Variants in INSR observed in about 807,000 individuals in gnomAD.
The protein encoded by INSR is insulin receptor, also known as IR.
A neutral mutation model predicts 142.6 loss-of-function variants in INSR; 67 were observed. The ratio of observed to expected loss-of-function variants is 0.47; its 90% confidence interval spans 0.39 to 0.58. The LOEUF is 0.58. Among genes scored for constraint, INSR ranks in the 20% least tolerant of loss-of-function variants. The pLI is 0.00. For missense variants in INSR, 1,248 were observed against 1,833.2 expected (o/e 0.68, Z 5.83); for synonymous variants, 756 against 743.1 (o/e 1.02, Z -0.28).
At chr19:7,270,239 T>C (rs1568230933) in intron 1 of INSR, among the ~76,000 whole-genome samples, 2 of 152,004 alleles carry the variant, frequency 1.3e-5, no homozygotes, top group Admixed American at 1.3e-4. Context: ...TAAACCACCA[T>C]GCCTGGCTGG....
intron 2 of INSR, among the ~76,000 whole-genome samples, chr19:7,208,077 G>A (rs1297378240): frequency 1.3e-5 from 2 of 152,050 alleles, no homozygotes; most frequent in African/African-American, 2.4e-5. Flanking sequence ...AAACCACCTC[G>A]TGTTTGGCTC....
Position 7,158,310 on chromosome 19 carries a change from C to T in INSR, c.2029+4722G>A, listed in dbSNP as rs530695358. On this transcript the variant is annotated intron_variant, in intron 9 of 21. Coordinates refer to ENST00000302850, the MANE Select transcript of INSR (RefSeq NM_000208.4). ...GGTCAGGAGATCGAGACCATCCTGG[C>T]TAACATGGTGAAACCCCGTCTCTAC... 2.6e-5 allele frequency among the ~76,000 whole-genome samples: 4 copies of T among 151,950 alleles called. 1 individual carries two copies. In the South Asian group the frequency reaches 6.2e-4, roughly 24 times the overall value.
chr19:7,280,642 G>A (rs1308616727), intron 1 of INSR, among the ~76,000 whole-genome samples: 3 of 151,958 alleles, frequency 2.0e-5, no homozygotes, highest in Non-Finnish European at 4.4e-5. Context: ...GCCTGAACCC[G>A]GGAGGCGGAG....
intron 2 of INSR, among the ~76,000 whole-genome samples, chr19:7,244,229 A>G (rs1296736821): frequency 6.6e-6 from 1 of 152,146 alleles, no homozygotes; most frequent in African/African-American, 2.4e-5. Flanking sequence ...AGAAAGGACA[A>G]TATAAAAGAT....
chr19:7,240,268 A>G (rs1449206298), intron 2 of INSR, among the ~76,000 whole-genome samples: 1 of 152,220 alleles, frequency 6.6e-6, no homozygotes, highest in Non-Finnish European at 1.5e-5. Context: ...TGTATATTTT[A>G]TTACAGCAGC....
intron 2 of INSR, among the ~76,000 whole-genome samples, chr19:7,249,433 C>A (rs1037877770): frequency 6.6e-6 from 1 of 152,146 alleles, no homozygotes; most frequent in Non-Finnish European, 1.5e-5. Flanking sequence ...TCGGTCTGTG[C>A]CCTGTTTGTC....
chr19:7,221,313 G>A (rs1392399822), intron 2 of INSR, among the ~76,000 whole-genome samples: 1 of 152,014 alleles, frequency 6.6e-6, no homozygotes, highest in East Asian at 1.9e-4. Flanking sequence ...GGCAGAGGTT[G>A]CAGTGAGCTG....
chr19:7,142,865 C>T lies in INSR; in HGVS notation c.2493G>A (p.Glu831=), dbSNP rs1160719518. 1 of 1,614,132 alleles carries T rather than the reference C, an allele frequency of 6.2e-7. No individual in the cohort carries two copies. Among genetic ancestry groups the T allele is most frequent in the Non-Finnish European group, 8.5e-7 (1 of 1,180,040 alleles). ...CGTAGGCTGCCACACTGCACCGTTCCTCAGGGGTGTCCTGGTTGCAAGCCT... is the reference window on the plus strand; with the variant it reads ...CGTAGGCTGCCACACTGCACCGTTCTTCAGGGGTGTCCTGGTTGCAAGCCT... ...ELQACNQDTP[E]ERCSVAAYVS... Residue 831 remains glutamate (E), a synonymous_variant, in exon 12 of 22, where the codon GAG becomes GAA. Transcript: ENST00000302850.
chr19:7,131,636 G>T (rs576534688), intron 14 of INSR, among the ~76,000 whole-genome samples: 1 of 148,548 alleles, frequency 6.7e-6, no homozygotes, highest in Admixed American at 6.7e-5. Flanking sequence ...GTGAGCCACC[G>T]TGCCCAGCCA....
chr19:7,166,207 C>T lies in INSR; in HGVS notation c.1808G>A (p.Arg603His), dbSNP rs753509035. 18 of 1,613,904 alleles carry T rather than the reference C, an allele frequency of 1.1e-5. No individual in the cohort carries two copies. Among genetic ancestry groups the T allele is most frequent in the Admixed American group, 3.3e-5 (2 of 59,954 alleles). Residue 603 changes from arginine to histidine, a missense_variant, in exon 8 of 22, where the codon CGC (arginine) becomes CAC (histidine). Physicochemically the swap from Arg to His is conservative, Grantham distance 29 (BLOSUM62 0). Coordinates refer to ENST00000302850, the MANE Select transcript of INSR (RefSeq NM_000208.4). This position sits in a 1 kb window ranked among gnomAD's most constrained non-coding sequence, Gnocchi z 4.1. ...GTCACTCTTGGCCCCATAGGTCCGG[C>T]GTTCATCCGAAAAGGTGACCAGGGT... ...VKTLVTFSDERRTYGAKSDII... is the reference protein window; with the variant it reads ...VKTLVTFSDEHRTYGAKSDII...
chr19:7,158,964 G>T (rs139728681), intron 9 of INSR, among the ~76,000 whole-genome samples: 3 of 151,974 alleles, frequency 2.0e-5, no homozygotes, highest in Non-Finnish European at 2.9e-5. Flanking sequence ...GTGCAATGGC[G>T]TGATCTCGGC....
intron 3 of INSR, among the ~76,000 whole-genome samples, chr19:7,180,632 G>C (rs1292441301): frequency 6.6e-6 from 1 of 151,900 alleles, no homozygotes; most frequent in Non-Finnish European, 1.5e-5. Flanking sequence ...CAGACGGGAA[G>C]GATTTGCCAA....
chr19:7,293,677 G>A (rs575874161), intron 1 of INSR, 115 bp downstream of exon 1: 3 of 878,018 alleles, frequency 3.4e-6, no homozygotes, highest in South Asian at 4.9e-5. Context: ...CCTGGCCACC[G>A]CCCCCCGCCC....
intron 1 of INSR, among the ~76,000 whole-genome samples, chr19:7,271,224 C>T (rs57295319): frequency 0.13 from 19,552 of 152,092 alleles, 1,413 homozygotes; most frequent in Middle Eastern, 0.18. Flanking sequence ...GGCCGGGCAC[C>T]GTGGCTCACA....
Position 7,150,331 on chromosome 19 carries a change from G to A in INSR, c.2267+166C>T, listed in dbSNP as rs1332994748. On this transcript the variant is annotated intron_variant, in intron 11 of 21. Transcript: ENST00000302850. This position sits in a 1 kb window ranked among gnomAD's most constrained non-coding sequence, Gnocchi z 4.2. The stretch of plus-strand genomic sequence containing the variant: ...ACATTCATGCCCAGATTTCATTTCA[G>A]AGTGAAGGCATTGGATTTCTGAATT... 1.3e-5 allele frequency among the ~76,000 whole-genome samples: 2 copies of A among 152,252 alleles called. No individual in the cohort carries two copies. Among genetic ancestry groups the A allele is most frequent in the African/African-American group, 4.8e-5 (2 of 41,468 alleles).
intron 1 of INSR, among the ~76,000 whole-genome samples, chr19:7,290,620 A>C (rs1311660140): frequency 5.3e-5 from 8 of 152,022 alleles, no homozygotes; most frequent in African/African-American, 1.9e-4. Context: ...TAAAAATACA[A>C]AAATTAGCCA....
At chr19:7,191,540 C>T (rs10853999) in intron 2 of INSR, among the ~76,000 whole-genome samples, 93,328 of 151,838 alleles carry the variant, frequency 0.61, 28,773 homozygotes, top group Admixed American at 0.64. Flanking sequence ...AAATCACAAG[C>T]CTGCCAGGCG....
At chr19:7,162,916 G>GTT in intron 9 of INSR, 116 bp downstream of exon 9, 1 of 865,394 alleles carries the variant, frequency 1.2e-6, no homozygotes, top group Non-Finnish European at 2.0e-6. Context: ...GTGTGTGTGT[G>GTT]TGCCTTCCGA....
At chr19:7,169,331 A>T (rs1973958599) in intron 6 of INSR, among the ~76,000 whole-genome samples, 1 of 152,002 alleles carries the variant, frequency 6.6e-6, no homozygotes, top group African/African-American at 2.4e-5. Flanking sequence ...GCACTTTGGG[A>T]GGCCGAGGCG....
Sources: gnomAD v4.1 joint callset for allele counts (sites outside exome capture counted in the v4.1 genomes callset) on GRCh38, gnomAD v4.1.1 for gene constraint, Gnocchi (gnomAD v3.1) non-coding constraint, MANE v1.5 for transcripts, NCBI Gene and HGNC (gene_info 2026-07-23, HGNC 2026-07-21) for gene names.